Variants in FXYD2 observed in about 807,000 individuals in gnomAD.
The protein encoded by FXYD2 is sodium/potassium-transporting ATPase subunit gamma.
FXYD2 carries 8 observed loss-of-function variants against 11.8 expected under a neutral mutation model. The ratio of observed to expected loss-of-function variants is 0.68; its 90% CI spans 0.40 to 1.22. The LOEUF is 1.22. Ranked by LOEUF, FXYD2 falls within the 50% of genes most tolerant of loss-of-function variation. The probability of loss-of-function intolerance (pLI) is 0.01; values close to 1 mark genes in which losing one functional copy is unlikely to be tolerated. For synonymous variants in FXYD2, 42 were observed against 33.3 expected, an observed-to-expected ratio of 1.26 and a Z score of -0.90; for missense variants, 92 against 91.8, an observed-to-expected ratio of 1.00 and a Z score of -0.01.
chr11:117,827,271 C>T (rs1189069577), upstream of FXYD2, among the ~76,000 whole-genome samples: 3 of 152,104 alleles, frequency 2.0e-5, no homozygotes, highest in Non-Finnish European at 4.4e-5. Context: ...TTTTTTAAGA[C>T]GGAGTTTCGC....
At chr11:117,826,371 C>T (rs2056036346), upstream of FXYD2, among the ~76,000 whole-genome samples, 1 of 152,182 alleles carries the variant, frequency 6.6e-6, no homozygotes, top group South Asian at 2.1e-4. Context: ...GAAGATGGAC[C>T]ACGTGCCAGG....
intron 3 of FXYD2, chr11:117,821,627 G>A: frequency 1.0e-6 from 1 of 985,982 alleles, no homozygotes; most frequent in Non-Finnish European, 1.2e-6. Context: ...CTGCCCTCCG[G>A]GAGCTGCCAC....
chr11:117,827,931 G>A, upstream of FXYD2: 1 of 1,115,088 alleles, frequency 9.0e-7, no homozygotes, highest in South Asian at 1.3e-5. Flanking sequence ...CACTTGAAAG[G>A]GACGGGGCTG....
Position 117,822,988 on chromosome 11 carries a change from C to T in FXYD2, c.26-271G>A, listed in dbSNP as rs1214735077. Among the ~76,000 whole-genome samples the T allele has an allele frequency of 1.3e-5, 2 of 152,184 alleles. No individual in the cohort carries two copies. The highest frequency in any genetic ancestry group is 4.8e-5 in the African/African-American group (2 of 41,436). Reference sequence around the variant, plus strand: ...CTCTGACCACTCCGGAAGGGTGGCTCTCTCCTGCTCCTTGATTCCTACCAT... The same window carrying T: ...CTCTGACCACTCCGGAAGGGTGGCTTTCTCCTGCTCCTTGATTCCTACCAT... On this transcript the variant is annotated intron_variant, in intron 1 of 5. Coordinates refer to ENST00000292079, the MANE Select transcript of FXYD2 (RefSeq NM_001680.5). This position sits in a 1 kb window ranked among gnomAD's most constrained non-coding sequence, Gnocchi z 4.7.
chr11:117,827,973 G>A (rs1294014339), upstream of FXYD2: 1 of 1,459,712 alleles, frequency 6.9e-7, no homozygotes, highest in East Asian at 2.5e-5. Context: ...CAGGGAGGAG[G>A]AATGGGGCTC....
At chr11:117,825,039 C>A (rs1022488537), upstream of FXYD2, among the ~76,000 whole-genome samples, 1 of 152,232 alleles carries the variant, frequency 6.6e-6, no homozygotes, top group African/African-American at 2.4e-5. Flanking sequence ...TGCACAATCT[C>A]TTCAGTGTAC....
In FXYD2 at chr11:117,822,371, G is replaced by A. The variant is rs1591534145; in HGVS notation, c.139+35C>T. ...CGGCCTTGAGAAGAGAGGTGCCCTG[G>A]TCAGCACCCCTTCCCTGGAGGCCAC... On this transcript the variant is annotated intron_variant, in intron 3 of 5. Transcript: ENST00000292079. The surrounding 1 kb of genome is among the most constrained non-coding windows in gnomAD (Gnocchi z 4.7). 1 of 1,551,148 alleles carries A rather than the reference G, an allele frequency of 6.4e-7. No homozygotes were observed. Among genetic ancestry groups the A allele is most frequent in the African/African-American group, 1.4e-5 (1 of 73,060 alleles).
chr11:117,822,178 G>A lies in FXYD2; in HGVS notation c.139+228C>T, dbSNP rs564284711. 7.0e-7 allele frequency: 1 copy of A among 1,432,678 alleles called. No individual in the cohort carries two copies. Among genetic ancestry groups the A allele is most frequent in the East Asian group, 2.6e-5 (1 of 39,132 alleles). The allele number at this position is 1,432,678 out of a possible 1,614,324, so 88.7% of individuals were successfully genotyped here. On this transcript the variant is annotated intron_variant, in intron 3 of 5. Coordinates refer to ENST00000292079, the MANE Select transcript of FXYD2 (RefSeq NM_001680.5). This position sits in a 1 kb window ranked among gnomAD's most constrained non-coding sequence, Gnocchi z 4.7. The stretch of plus-strand genomic sequence containing the variant: ...CCGTGGGTTTGCTCTCACTTCTGCG[G>A]CTCCTCCCGGGCCCACTGGAGGGTG...
chr11:117,825,103 CA>C (rs1269712736), upstream of FXYD2, among the ~76,000 whole-genome samples: 1 of 152,212 alleles, frequency 6.6e-6, no homozygotes, highest in Non-Finnish European at 1.5e-5. Context: ...CCAGCCCAGG[CA>C]GGGCCCACCG....
At chr11:117,820,443 C>T in intron 5 of FXYD2, 71 bp from the exon 6 acceptor site, 1 of 585,404 alleles carries the variant, frequency 1.7e-6, no homozygotes, top group Non-Finnish European at 3.0e-6. Context: ...CCCCCTTGTC[C>T]ATCTCACTTT....
upstream of FXYD2, among the ~76,000 whole-genome samples, chr11:117,827,125 TAG>T (rs1405603964): frequency 2.1e-5 from 3 of 144,120 alleles, no homozygotes; most frequent in Admixed American, 1.4e-4. Context: ...GATAGATAGA[TAG>T]ATAGATAGAT....
At chr11:117,824,823 C>T, upstream of FXYD2, 1 of 1,081,562 alleles carries the variant, frequency 9.2e-7, no homozygotes, top group South Asian at 1.3e-5. The surrounding 1 kb of genome is among the most constrained non-coding windows in gnomAD (Gnocchi z 4.0). Context: ...ACCCTGGTCA[C>T]AAGAAAAGCT....
upstream of FXYD2, among the ~76,000 whole-genome samples, chr11:117,827,135 G>C (rs917301435): frequency 2.2e-5 from 3 of 135,682 alleles, no homozygotes; most frequent in Non-Finnish European, 4.8e-5. Flanking sequence ...TAGATAGATA[G>C]ATATGGATGA....
Position 117,822,346 on chromosome 11 carries a change from C to T in FXYD2, c.139+60G>A, listed in dbSNP as rs1490691874. 11 of 1,549,924 alleles carry T rather than the reference C, an allele frequency of 7.1e-6. No homozygotes were observed. Among genetic ancestry groups the T allele is most frequent in the African/African-American group, 1.4e-5 (1 of 73,018 alleles). On this transcript the variant is annotated intron_variant, in intron 3 of 5. Coordinates refer to ENST00000292079, the MANE Select transcript of FXYD2 (RefSeq NM_001680.5). This position sits in a 1 kb window ranked among gnomAD's most constrained non-coding sequence, Gnocchi z 4.7. ...AACTCCCGAAAGCCAGCCTGCTCAGCGGCCTTGAGAAGAGAGGTGCCCTGG... is the reference window on the plus strand; with the variant it reads ...AACTCCCGAAAGCCAGCCTGCTCAGTGGCCTTGAGAAGAGAGGTGCCCTGG...
rs1433339655 is a variant in FXYD2 at position 117,820,703 on chromosome 11, G to C, written c.177-7C>G. ...CTCATCTTCATTGATTTGCCTGGTG[G>C]GGGAAGGAAAAGCAACAGGTGAGAG... On this transcript the variant is annotated splice_polypyrimidine_tract_variant and splice_region_variant and intron_variant, in intron 4 of 5. Coordinates refer to ENST00000292079, the MANE Select transcript of FXYD2 (RefSeq NM_001680.5). 2 of 1,613,914 alleles carry C rather than the reference G, an allele frequency of 1.2e-6. No individual in the cohort carries two copies. Among genetic ancestry groups the C allele is most frequent in the Non-Finnish European group, 1.7e-6 (2 of 1,180,008 alleles).
chr11:117,827,844 T>C, upstream of FXYD2: 2 of 707,600 alleles, frequency 2.8e-6, no homozygotes, highest in Non-Finnish European at 5.2e-6. Context: ...AGTGACTCCG[T>C]ATGGAGATGC....
chr11:117,825,547 T>A (rs956418347), upstream of FXYD2, among the ~76,000 whole-genome samples: 1 of 152,154 alleles, frequency 6.6e-6, no homozygotes, highest in African/African-American at 2.4e-5. Context: ...TCAAGCTTTA[T>A]GTTTCCCATT....
At chr11:117,827,398 T>C (rs2056067880), upstream of FXYD2, among the ~76,000 whole-genome samples, 1 of 152,160 alleles carries the variant, frequency 6.6e-6, no homozygotes, top group Non-Finnish European at 1.5e-5. Context: ...TAAAGGCATG[T>C]GCCACCAAGC....
At position 117,821,511 on chromosome 11, in the gene FXYD2, C is replaced by T. The variant is rs190883016; in HGVS notation, c.140-616G>A. Reference sequence around the variant, plus strand: ...CTGGGCCATCATGGTGCCCCCAGCACAGCTGCCCGATGAACACCTGGAGAA... The same window carrying T: ...CTGGGCCATCATGGTGCCCCCAGCATAGCTGCCCGATGAACACCTGGAGAA... On this transcript the variant is annotated intron_variant, in intron 3 of 5. Coordinates refer to ENST00000292079, the MANE Select transcript of FXYD2 (RefSeq NM_001680.5). The T allele has an allele frequency of 1.1e-4, 105 of 986,128 alleles. 1 individual carries two copies. The African/African-American group carries it at 1.7e-3, about 16-fold the overall frequency. 61.1% of individuals were successfully genotyped at this position (986,128 alleles called of 1,614,324 possible). A position where few individuals can be genotyped will look rare whatever the true frequency, so the allele number is the denominator to read the frequency against.
Sources: allele counts gnomAD v4.1 joint callset (sites outside exome capture counted in the v4.1 genomes callset), GRCh38; gene constraint gnomAD v4.1.1; non-coding constraint Gnocchi (gnomAD v3.1); transcripts MANE v1.5; gene names NCBI Gene and HGNC (gene_info 2026-07-23, HGNC 2026-07-21).